PRMT8: variants seen among roughly 807,000 people sequenced by gnomAD.
PRMT8 encodes the protein protein arginine N-methyltransferase 8.
A neutral mutation model predicts 47.1 loss-of-function variants in PRMT8; 7 were observed. That is an observed-to-expected ratio of 0.15 (90% CI 0.08 to 0.28). The LOEUF is 0.28. Ranked by LOEUF, PRMT8 falls within the 10% of genes least tolerant of loss-of-function variation. The pLI, the probability that PRMT8 is intolerant of heterozygous loss-of-function variation, is 1.00. For synonymous variants in PRMT8, 188 were observed against 186.5 expected (o/e 1.01, Z -0.07); for missense variants, 237 against 505.4 (o/e 0.47, Z 5.09).
At position 3,453,856 on chromosome 12, in the gene PRMT8, G is replaced by A. The variant is rs1421095085; in HGVS notation, c.48+72414G>A. On this transcript the variant is annotated intron_variant, in intron 1 of 9. Transcript: ENST00000452611. The surrounding 1 kb of genome is among the most constrained non-coding windows in gnomAD (Gnocchi z 4.9). ...GGCTTCCGACGCCGGCCCTGCTCCG[G>A]CGATTGAAAATGACTGCAGCCTCGG... is the stretch of plus-strand genomic sequence containing the variant. Among the ~76,000 whole-genome samples, 1 of 152,198 alleles carries A rather than the reference G, an allele frequency of 6.6e-6. No individual in the cohort carries two copies. Among genetic ancestry groups the A allele is most frequent in the Non-Finnish European group, 1.5e-5 (1 of 68,046 alleles).
intron 1 of PRMT8, among the ~76,000 whole-genome samples, chr12:3,431,208 G>A (rs1309336237): frequency 6.6e-6 from 1 of 152,168 alleles, no homozygotes; most frequent in Non-Finnish European, 1.5e-5. Context: ...AATGGGCTGG[G>A]AGGAGGCAAG....
chr12:3,496,219 T>A (rs1226449602), intron 1 of PRMT8, among the ~76,000 whole-genome samples: 2,075 of 94,904 alleles, frequency 0.022, 109 homozygotes, highest in African/African-American at 0.059. Context: ...TATATATTTT[T>A]TTTTTTTTTT....
intron 1 of PRMT8, among the ~76,000 whole-genome samples, chr12:3,455,808 A>G (rs975902): frequency 0.91 from 138,175 of 152,150 alleles, 63,500 homozygotes; most frequent in Non-Finnish European, 0.98. Context: ...CCATTTTCGA[A>G]GTGTAAGAAC....
chr12:3,521,107 G>C (rs950792067), intron 1 of PRMT8, among the ~76,000 whole-genome samples: 1 of 152,190 alleles, frequency 6.6e-6, no homozygotes, highest in African/African-American at 2.4e-5. Flanking sequence ...TTTCTAAAGA[G>C]AAAAAGGAAA....
Position 3,508,072 on chromosome 12 carries a change from T to C in PRMT8, c.75+16372T>C, listed in dbSNP as rs1022650497. 2.6e-5 allele frequency among the ~76,000 whole-genome samples: 4 copies of C among 152,232 alleles called. No homozygotes were observed. Among genetic ancestry groups the C allele is most frequent in the South Asian group, 4.1e-4 (2 of 4,836 alleles). ...CCATTTTATAGGCTGGCCATGAGGA[T>C]TACATTTGATAATGGGATACGACAT... On this transcript the variant is annotated intron_variant, in intron 1 of 9. Coordinates refer to ENST00000382622, the MANE Select transcript of PRMT8 (RefSeq NM_019854.5). The surrounding 1 kb of genome is among the most constrained non-coding windows in gnomAD (Gnocchi z 4.9).
At chr12:3,540,540 C>T (rs944781868) in intron 1 of PRMT8, 66 bp from the exon 2 acceptor site, 21 of 1,109,514 alleles carry the variant, frequency 1.9e-5, no homozygotes, top group East Asian at 7.1e-5. Flanking sequence ...GAAAGAGGAC[C>T]GCAAGCCTCC....
chr12:3,460,061 C>A (rs1292737059), intron 1 of PRMT8, among the ~76,000 whole-genome samples: 2 of 152,252 alleles, frequency 1.3e-5, no homozygotes, highest in South Asian at 4.2e-4. Context: ...TGATCCCTCT[C>A]TATCAAAGAG....
intron 1 of PRMT8, among the ~76,000 whole-genome samples, chr12:3,406,341 C>T (rs1282412494): frequency 6.6e-6 from 1 of 152,248 alleles, no homozygotes; most frequent in East Asian, 1.9e-4. Context: ...TGACATTGCC[C>T]TGGAGACATT....
chr12:3,422,267 A>C (rs1864550565), intron 1 of PRMT8, among the ~76,000 whole-genome samples: 1 of 152,192 alleles, frequency 6.6e-6, no homozygotes, highest in African/African-American at 2.4e-5. Flanking sequence ...GGTTACCTGG[A>C]CAGAACTTTG....
intron 4 of PRMT8, among the ~76,000 whole-genome samples, chr12:3,562,776 G>C (rs935519904): frequency 3.3e-5 from 5 of 152,212 alleles, no homozygotes; most frequent in Non-Finnish European, 7.3e-5. Context: ...GGTGAAGATG[G>C]GGCCATGCTG....
intron 1 of PRMT8, among the ~76,000 whole-genome samples, chr12:3,433,570 G>A (rs1166857391): frequency 6.6e-6 from 1 of 152,158 alleles, no homozygotes; most frequent in African/African-American, 2.4e-5. Flanking sequence ...ATACAGTGGG[G>A]TGGACATAGT....
intron 2 of PRMT8, among the ~76,000 whole-genome samples, chr12:3,547,725 A>G (rs540869610): frequency 4.6e-5 from 7 of 152,352 alleles, no homozygotes; most frequent in African/African-American, 9.6e-5. Flanking sequence ...TAAGACCTTT[A>G]TATAAAAATC....
chr12:3,568,068 G>A (rs1433003976), intron 4 of PRMT8, among the ~76,000 whole-genome samples: 11 of 133,566 alleles, frequency 8.2e-5, no homozygotes, highest in Admixed American at 4.0e-4. Context: ...GTGAAACTCC[G>A]TCTCAAAAAA....
Position 3,538,161 on chromosome 12 carries a change from C to G in PRMT8, c.76-2445C>G, listed in dbSNP as rs1591591740. 1 of 153,020 alleles carries G rather than the reference C, an allele frequency of 6.5e-6. No individual in the cohort carries two copies. The highest frequency in any genetic ancestry group is 1.9e-4 in the East Asian group (1 of 5,212). The allele number at this position is 153,020 out of a possible 1,614,324, so 9.5% of individuals were successfully genotyped here. ...CAAAATCCGTTCAAAAAGCTCCCAC[C>G]TCACCCCACCTCCTGCTATCCCAGG... On this transcript the variant is annotated intron_variant, in intron 1 of 9. Coordinates refer to ENST00000382622, the MANE Select transcript of PRMT8 (RefSeq NM_019854.5). The surrounding 1 kb of genome is among the most constrained non-coding windows in gnomAD (Gnocchi z 4.6).
intron 1 of PRMT8, among the ~76,000 whole-genome samples, chr12:3,471,119 C>T (rs1865157774): frequency 6.6e-6 from 1 of 152,118 alleles, no homozygotes; most frequent in Non-Finnish European, 1.5e-5. Flanking sequence ...GTGGTAGTGA[C>T]AGAGGTGCCT....
intron 1 of PRMT8, among the ~76,000 whole-genome samples, chr12:3,464,903 T>A (rs527396516): frequency 6.6e-6 from 1 of 151,954 alleles, no homozygotes; most frequent in Non-Finnish European, 1.5e-5. Context: ...GGTGGGTGGA[T>A]CACCTGAGGT....
At chr12:3,478,256 CCTATCAT>C (rs1056935189) in intron 1 of PRMT8, among the ~76,000 whole-genome samples, 2 of 150,710 alleles carry the variant, frequency 1.3e-5, no homozygotes, top group African/African-American at 2.4e-5. Flanking sequence ...TATTGATCCA[CCTATCAT>C]CTATCTATCT....
At position 3,409,612 on chromosome 12, in the gene PRMT8, C is replaced by T. The variant is rs1297300648; in HGVS notation, c.48+28170C>T. Among the ~76,000 whole-genome samples the T allele has an allele frequency of 2.0e-5, 3 of 152,114 alleles. No individual in the cohort carries two copies. Among genetic ancestry groups the T allele is most frequent in the Non-Finnish European group, 4.4e-5 (3 of 68,024 alleles). Reference sequence around the variant, plus strand: ...CTAGTTCCAGGGAGGCAGGGTTTTCCACTTGTTTGGCCTGGGGGCGGGGGT... The same window carrying T: ...CTAGTTCCAGGGAGGCAGGGTTTTCTACTTGTTTGGCCTGGGGGCGGGGGT... On this transcript the variant is annotated intron_variant, in intron 1 of 9. Coordinates refer to the PRMT8 transcript ENST00000452611. This position sits in a 1 kb window ranked among gnomAD's most constrained non-coding sequence, Gnocchi z 4.4.
rs74825913 is a variant in PRMT8, at chr12:3,492,842, A to G, written c.75+1142A>G. The stretch of plus-strand genomic sequence containing the variant: ...CACAGAGAGCAAACTCCCAGGCTCT[A>G]TTAATAGCTGGGTGTCTGGTGGGGC... On this transcript the variant is annotated intron_variant, in intron 1 of 9. Transcript: ENST00000382622. The surrounding 1 kb of genome is among the most constrained non-coding windows in gnomAD (Gnocchi z 7.5). Among the ~76,000 whole-genome samples the G allele has an allele frequency of 3.3e-4, 50 of 151,948 alleles. 2 individuals carry two copies. In the East Asian group the frequency reaches 9.5e-3, roughly 29 times the overall value.
Sources: gnomAD v4.1 joint callset for allele counts (sites outside exome capture counted in the v4.1 genomes callset) on GRCh38, gnomAD v4.1.1 for gene constraint, Gnocchi (gnomAD v3.1) non-coding constraint, MANE v1.5 for transcripts, NCBI Gene and HGNC (gene_info 2026-07-23, HGNC 2026-07-21) for gene names.